Variants in IQSEC1 observed in about 807,000 individuals in gnomAD.
IQSEC1 encodes IQ motif and Sec7 domain ArfGEF 1, also known as IQ motif and SEC7 domain-containing protein 1.
In IQSEC1, 31 loss-of-function variants were observed where a neutral mutation model predicts 91.0. The ratio of observed to expected loss-of-function variants is 0.34; its 90% CI spans 0.26 to 0.46. The LOEUF (loss-of-function observed/expected upper bound fraction) is 0.46, where lower values mean the gene tolerates loss of function less well. IQSEC1 is among the 20% of genes least tolerant of loss of function. The pLI, the probability that IQSEC1 is intolerant of heterozygous loss-of-function variation, is 1.00. For synonymous variants in IQSEC1, 699 were observed against 662.6 expected (o/e 1.05, Z -0.84); for missense variants, 1,388 against 1,575.6 (o/e 0.88, Z 2.02).
intron 1 of IQSEC1, among the ~76,000 whole-genome samples, chr3:13,246,942 C>T (rs1200526862): frequency 6.6e-6 from 1 of 152,172 alleles, no homozygotes; most frequent in Admixed American, 6.5e-5. Context: ...CCAGAGCTGA[C>T]CAGCAAATCC....
intron 1 of IQSEC1, among the ~76,000 whole-genome samples, chr3:13,042,632 A>G (rs1704324245): frequency 6.6e-6 from 1 of 152,108 alleles, no homozygotes; most frequent in South Asian, 2.1e-4. Flanking sequence ...GGTGCCTCCG[A>G]GGGCTTCCCT....
At chr3:13,143,242 A>G (rs957825678) in intron 2 of IQSEC1, among the ~76,000 whole-genome samples, 4 of 152,200 alleles carry the variant, frequency 2.6e-5, no homozygotes, top group Non-Finnish European at 5.9e-5. Flanking sequence ...TGAGTAACTG[A>G]TGGCACCAGG....
chr3:13,255,391 G>A, intron 1 of IQSEC1, among the ~76,000 whole-genome samples: 1 of 152,206 alleles, frequency 6.6e-6, no homozygotes, highest in East Asian at 1.9e-4. Context: ...GGATGGGGCT[G>A]GGGCTCCCAC....
chr3:13,177,338 AC>A (rs1693750869), intron 1 of IQSEC1, among the ~76,000 whole-genome samples: 1 of 152,102 alleles, frequency 6.6e-6, no homozygotes, highest in African/African-American at 2.4e-5. Context: ...CTGCCCTGCC[AC>A]CCCCACCCCA....
intron 2 of IQSEC1, among the ~76,000 whole-genome samples, chr3:13,160,818 C>T (rs958527320): frequency 3.9e-5 from 6 of 152,254 alleles, no homozygotes; most frequent in Non-Finnish European, 5.9e-5. Context: ...CTGTTCTGTG[C>T]CCCACAGGTG....
chr3:13,087,611 C>A (rs757108700), intron 2 of IQSEC1, among the ~76,000 whole-genome samples: 2 of 152,216 alleles, frequency 1.3e-5, no homozygotes, highest in Non-Finnish European at 2.9e-5. Flanking sequence ...TAGTTAAATG[C>A]ATTTGAAAGG....
At position 12,937,147 on chromosome 3, in the gene IQSEC1, G is replaced by A. The variant is rs1461199244; in HGVS notation, c.319-450C>T. 1.4e-4 allele frequency among the ~76,000 whole-genome samples: 22 copies of A among 152,220 alleles called. No homozygotes were observed. The East Asian group carries it at 4.3e-3, about 29-fold the overall frequency. ...GGGGTTTCACCATGTTGGCCAGGCTGGTCTTGAACTCCTGACCTCAGGTGA... is the reference window on the plus strand; with the variant it reads ...GGGGTTTCACCATGTTGGCCAGGCTAGTCTTGAACTCCTGACCTCAGGTGA... On this transcript the variant is annotated intron_variant, in intron 2 of 13. Transcript: ENST00000613206.
chr3:13,141,829 C>A (rs1706803708), intron 2 of IQSEC1, among the ~76,000 whole-genome samples: 1 of 152,192 alleles, frequency 6.6e-6, no homozygotes, highest in African/African-American at 2.4e-5. Context: ...GATGGATGGG[C>A]TCCATGGAAC....
rs764239664 is a variant in IQSEC1 at position 12,899,405 on chromosome 3, T to C, written c.*1578A>G. 3 of 1,613,112 alleles carry C rather than the reference T, an allele frequency of 1.9e-6. No individual in the cohort carries two copies. The highest frequency in any genetic ancestry group is 2.5e-6 in the Non-Finnish European group (3 of 1,179,854). On this transcript the variant is annotated 3_prime_UTR_variant, in exon 14 of 14. Transcript: ENST00000613206. ...GTCCCATGGCTTAGGAGCACAGCAC[T>C]GACGGCTGCAGTGGCTCGAAAGGCT...
chr3:13,027,725 G>A (rs1239123133), intron 1 of IQSEC1, among the ~76,000 whole-genome samples: 1 of 152,164 alleles, frequency 6.6e-6, no homozygotes, highest in Non-Finnish European at 1.5e-5. Context: ...GTGGGAGCAG[G>A]TTTGGAGGGA....
chr3:13,013,257 C>T (rs192646882), intron 1 of IQSEC1, among the ~76,000 whole-genome samples: 1 of 152,204 alleles, frequency 6.6e-6, no homozygotes, highest in Non-Finnish European at 1.5e-5. Flanking sequence ...GACCACACCC[C>T]AGGCCCGGCT....
At chr3:13,152,518 T>C (rs1446278678) in intron 2 of IQSEC1, among the ~76,000 whole-genome samples, 1 of 152,224 alleles carries the variant, frequency 6.6e-6, no homozygotes, top group African/African-American at 2.4e-5. Context: ...CCTCATCTGC[T>C]CTATCTCAGT....
chr3:13,081,300 G>T (rs965913481), intron 2 of IQSEC1, among the ~76,000 whole-genome samples: 2 of 152,182 alleles, frequency 1.3e-5, no homozygotes, highest in African/African-American at 4.8e-5. Context: ...ACAGGATCTT[G>T]CTCTGTTGCC....
rs1233744379 is a variant in IQSEC1 at position 12,915,134 on chromosome 3, C to T, written c.2161-1G>A. ...CGAGCCCGGGATGCAGGGATCCGAT[C>T]TGCGGGAGAATGTGAAACCAACAAA... On this transcript the variant is annotated splice_acceptor_variant, in intron 7 of 13. Coordinates refer to ENST00000613206, the MANE Select transcript of IQSEC1 (RefSeq NM_001134382.3). LOFTEE classifies it high-confidence loss of function. 6.2e-7 allele frequency: 1 copy of T among 1,608,908 alleles called. No individual in the cohort carries two copies. Among genetic ancestry groups the T allele is most frequent in the Non-Finnish European group, 8.5e-7 (1 of 1,177,272 alleles).
At chr3:13,272,172 T>C (rs1387640231) in intron 1 of IQSEC1, among the ~76,000 whole-genome samples, 1 of 152,232 alleles carries the variant, frequency 6.6e-6, no homozygotes, top group African/African-American at 2.4e-5. Flanking sequence ...TGGCTGATCC[T>C]TGCTCATACC....
At chr3:13,033,677 C>T (rs752214415) in intron 1 of IQSEC1, among the ~76,000 whole-genome samples, 5 of 152,100 alleles carry the variant, frequency 3.3e-5, no homozygotes, top group East Asian at 1.9e-4. Context: ...AAGAAGAGTC[C>T]GTGTTTCAAT....
chr3:13,222,913 T>G (rs1230649343), intron 1 of IQSEC1, among the ~76,000 whole-genome samples: 1 of 152,074 alleles, frequency 6.6e-6, no homozygotes, highest in Non-Finnish European at 1.5e-5. Context: ...CAGGGTAAAC[T>G]CAGAAAGCAA....
At chr3:13,040,014 G>A (rs7646860) in intron 1 of IQSEC1, among the ~76,000 whole-genome samples, 19,151 of 152,250 alleles carry the variant, frequency 0.13, 2,236 homozygotes, top group African/African-American at 0.31. Flanking sequence ...GCATTAGCGC[G>A]CAGAGTTGGT....
At chr3:12,988,389 T>C (rs1212555759) in intron 1 of IQSEC1, among the ~76,000 whole-genome samples, 2 of 152,052 alleles carry the variant, frequency 1.3e-5, no homozygotes, top group African/African-American at 2.4e-5. Flanking sequence ...CACTCCAGCC[T>C]GGGCGACAGA....
Sources: gnomAD v4.1 joint callset for allele counts (sites outside exome capture counted in the v4.1 genomes callset) on GRCh38, gnomAD v4.1.1 for gene constraint, MANE v1.5 for transcripts, NCBI Gene and HGNC (gene_info 2026-07-23, HGNC 2026-07-21) for gene names.